CCDC178: variants seen among roughly 807,000 people sequenced by gnomAD.
CCDC178 encodes the protein coiled-coil domain-containing protein 178.
CCDC178 carries 126 observed loss-of-function variants against 117.4 expected under a neutral mutation model. The observed-to-expected ratio is 1.07, with a 90% CI of 0.93 to 1.24. The LOEUF (loss-of-function observed/expected upper bound fraction) is 1.24, where lower values mean the gene tolerates loss of function less well. Among genes scored for constraint, CCDC178 ranks in the 50% most tolerant of loss-of-function variants. CCDC178 has a pLI of 0.00. For synonymous variants in CCDC178, 283 were observed against 313.4 expected, an observed-to-expected ratio of 0.90 and a Z score of 1.02; for missense variants, 1,030 against 986.9, an observed-to-expected ratio of 1.04 and a Z score of -0.59.
At position 33,247,941 on chromosome 18, in the gene CCDC178, C is replaced by T. The variant is rs2059570238; in HGVS notation, c.1410-2513G>A. The stretch of plus-strand genomic sequence containing the variant: ...AGACTAGAGAAATTTTCCATACTCC[C>T]TATGAAGATTAGTTTAAAAATGCGA... On this transcript the variant is annotated intron_variant, in intron 14 of 22. Transcript: ENST00000383096. 2.0e-5 allele frequency among the ~76,000 whole-genome samples: 3 copies of T among 151,570 alleles called. No homozygotes were observed. The South Asian group carries it at 6.2e-4, about 31-fold the overall frequency.
chr18:33,292,575 G>A (rs556220683), intron 12 of CCDC178, among the ~76,000 whole-genome samples: 141 of 151,984 alleles, frequency 9.3e-4, no homozygotes, highest in African/African-American at 3.2e-3. Context: ...CAAAATCCTC[G>A]AAAGAGGGCG....
chr18:33,327,545 C>T (rs113806794), intron 10 of CCDC178, among the ~76,000 whole-genome samples: 12 of 152,076 alleles, frequency 7.9e-5, no homozygotes, highest in South Asian at 4.1e-4. Context: ...TTTTCCATAG[C>T]GGCTGCACTA....
intron 5 of CCDC178, among the ~76,000 whole-genome samples, chr18:33,372,449 A>G (rs182283448): frequency 6.6e-6 from 1 of 152,250 alleles, no homozygotes; most frequent in African/African-American, 2.4e-5. Flanking sequence ...ATGTATTGGT[A>G]GGATGTTATA....
intron 20 of CCDC178, among the ~76,000 whole-genome samples, chr18:33,121,070 C>T (rs2057930469): frequency 1.3e-5 from 2 of 151,990 alleles, no homozygotes; most frequent in African/African-American, 2.4e-5. Context: ...AGTCTTCATT[C>T]CTCAGTTAAT....
At chr18:33,302,743 A>C (rs1400224109) in intron 11 of CCDC178, among the ~76,000 whole-genome samples, 1 of 152,222 alleles carries the variant, frequency 6.6e-6, no homozygotes, top group Non-Finnish European at 1.5e-5. Context: ...ACGTTAATGA[A>C]ATAAGACAGT....
chr18:32,968,981 C>T (rs2054872410), intron 22 of CCDC178, among the ~76,000 whole-genome samples: 1 of 151,802 alleles, frequency 6.6e-6, no homozygotes, highest in African/African-American at 2.4e-5. Flanking sequence ...AATGATTAAA[C>T]CTATGCTATC....
chr18:33,105,536 A>C (rs1246717057), intron 20 of CCDC178, among the ~76,000 whole-genome samples: 1 of 151,622 alleles, frequency 6.6e-6, no homozygotes, highest in African/African-American at 2.4e-5. Flanking sequence ...CACTTGAGTC[A>C]TGTGTTCTTA....
intron 12 of CCDC178, among the ~76,000 whole-genome samples, chr18:33,282,275 G>C (rs2060034825): frequency 6.6e-6 from 1 of 152,190 alleles, no homozygotes. Context: ...GAAGTGGTAA[G>C]GGCAGCAAGC....
chr18:32,945,726 T>A (rs192289361), intron 22 of CCDC178, among the ~76,000 whole-genome samples: 146 of 152,240 alleles, frequency 9.6e-4, no homozygotes, highest in African/African-American at 3.4e-3. Flanking sequence ...AAATTTGGGT[T>A]TTTTTGGAGC....
At chr18:33,166,458 ACT>A (rs1157951190) in intron 20 of CCDC178, among the ~76,000 whole-genome samples, 1 of 152,044 alleles carries the variant, frequency 6.6e-6, no homozygotes, top group Non-Finnish European at 1.5e-5. Context: ...CTAGATTCCA[ACT>A]CTGATCCCAA....
intron 21 of CCDC178, among the ~76,000 whole-genome samples, chr18:33,068,181 C>A (rs1019948627): frequency 1.3e-5 from 2 of 152,000 alleles, no homozygotes; most frequent in Non-Finnish European, 2.9e-5. Context: ...AGTAAAAAGT[C>A]TTTCAACAAA....
At chr18:33,195,130 AG>A (rs34161344) in intron 20 of CCDC178, among the ~76,000 whole-genome samples, 14 of 107,258 alleles carry the variant, frequency 1.3e-4, no homozygotes, top group African/African-American at 5.8e-4. Context: ...AAAAAAAAAG[AG>A]AGAGAGAGAG....
At chr18:33,256,615 C>A (rs2059683253) in intron 14 of CCDC178, among the ~76,000 whole-genome samples, 1 of 152,018 alleles carries the variant, frequency 6.6e-6, no homozygotes, top group Non-Finnish European at 1.5e-5. Context: ...AATCTATGTT[C>A]TAAAAATTAT....
intron 21 of CCDC178, among the ~76,000 whole-genome samples, chr18:33,080,942 CA>C (rs1228459067): frequency 6.6e-6 from 1 of 151,746 alleles, no homozygotes; most frequent in African/African-American, 2.4e-5. Flanking sequence ...TAAGGAGATG[CA>C]AAAATATAGA....
At chr18:32,995,021 T>C (rs1180197444) in intron 21 of CCDC178, among the ~76,000 whole-genome samples, 1 of 152,188 alleles carries the variant, frequency 6.6e-6, no homozygotes, top group East Asian at 1.9e-4. Context: ...TTATGCCAAG[T>C]TGAGAGGAAA....
At chr18:32,980,543 C>T (rs2144712798) in intron 21 of CCDC178, among the ~76,000 whole-genome samples, 1 of 140,004 alleles carries the variant, frequency 7.1e-6, no homozygotes, top group South Asian at 2.3e-4. Flanking sequence ...AGCACTCCCG[C>T]CTGGGCGACA....
intron 5 of CCDC178, among the ~76,000 whole-genome samples, chr18:33,384,321 C>A (rs1356365858): frequency 2.6e-5 from 4 of 152,126 alleles, no homozygotes; most frequent in African/African-American, 9.7e-5. Context: ...CTTCCCCAAT[C>A]TAGCAAGACA....
At chr18:33,232,023 G>A (rs991290798) in intron 15 of CCDC178, among the ~76,000 whole-genome samples, 1 of 152,064 alleles carries the variant, frequency 6.6e-6, no homozygotes, top group African/African-American at 2.4e-5. Context: ...TAAGCTTTGC[G>A]GATTAAGGTC....
intron 20 of CCDC178, among the ~76,000 whole-genome samples, chr18:33,210,378 C>T (rs542694360): frequency 6.6e-6 from 1 of 151,854 alleles, no homozygotes; most frequent in Non-Finnish European, 1.5e-5. Flanking sequence ...AAGGCAGGGA[C>T]AGGCTTTTTG....
Sources: allele counts gnomAD v4.1 joint callset (sites outside exome capture counted in the v4.1 genomes callset), GRCh38; gene constraint gnomAD v4.1.1; transcripts MANE v1.5; gene names NCBI Gene and HGNC (gene_info 2026-07-23, HGNC 2026-07-21).